Variants in CD109 observed in about 807,000 individuals in gnomAD.
CD109 encodes CD109 molecule, also known as CD109 antigen.
Under a neutral mutation model 165.8 loss-of-function variants are expected in CD109, and 149 were observed. The observed-to-expected ratio is 0.90, with a 90% CI of 0.79 to 1.03. The LOEUF (loss-of-function observed/expected upper bound fraction) is 1.03, where lower values mean the gene tolerates loss of function less well. Ranked by LOEUF, CD109 falls within the 50% of genes least tolerant of loss-of-function variation. The probability of loss-of-function intolerance (pLI) is 0.00; values close to 1 mark genes in which losing one functional copy is unlikely to be tolerated. For missense variants in CD109, 1,712 were observed against 1,677.8 expected (o/e 1.02, Z -0.36); for synonymous variants, 585 against 592.1 (o/e 0.99, Z 0.18).
chr6:73,681,444 C>T, the CD109 span, among the ~76,000 whole-genome samples: 1 of 151,532 alleles, frequency 6.6e-6, no homozygotes, highest in Admixed American at 6.6e-5. Flanking sequence ...TGTTTTCACG[C>T]TGCTGATAAA....
intron 2 of CD109, among the ~76,000 whole-genome samples, chr6:73,700,880 C>T (rs1771049524): frequency 7.4e-6 from 1 of 134,932 alleles, no homozygotes; most frequent in East Asian, 2.4e-4. Context: ...CGGCTCACTG[C>T]AACCTCTGCC....
chr6:73,745,759 C>T (rs147235257), intron 5 of CD109, among the ~76,000 whole-genome samples: 7,263 of 151,866 alleles, frequency 0.048, 597 homozygotes, highest in African/African-American at 0.17. Context: ...GACAGAGTCT[C>T]GCTGTGTCAC....
intron 5 of CD109, 35 bp downstream of exon 5, chr6:73,736,543 A>G: frequency 1.3e-6 from 2 of 1,591,012 alleles, no homozygotes; most frequent in South Asian, 1.1e-5. Flanking sequence ...GGGAATGTTA[A>G]AGTGATTTAA....
chr6:73,814,225 C>T (rs3005486), intron 29 of CD109, among the ~76,000 whole-genome samples: 110,007 of 152,006 alleles, frequency 0.72, 41,290 homozygotes, highest in East Asian at 0.96. Context: ...TAAAAGAAAA[C>T]ACAACCTTAC....
intron 2 of CD109, among the ~76,000 whole-genome samples, chr6:73,702,008 C>A (rs1771101175): frequency 6.6e-6 from 1 of 152,208 alleles, no homozygotes; most frequent in Non-Finnish European, 1.5e-5. Flanking sequence ...GCATGGGCGT[C>A]TCCAGGTGAG....
intron 13 of CD109, 47 bp downstream of exon 13, chr6:73,767,057 T>C: frequency 6.6e-7 from 1 of 1,516,732 alleles, no homozygotes; most frequent in Non-Finnish European, 9.1e-7. Context: ...TAGAATCATC[T>C]TTTTATTCAC....
At chr6:73,742,478 C>T (rs1377194685) in intron 5 of CD109, among the ~76,000 whole-genome samples, 1 of 152,194 alleles carries the variant, frequency 6.6e-6, no homozygotes, top group Non-Finnish European at 1.5e-5. Flanking sequence ...AAAAGAAAGG[C>T]TAATGTTGGT....
chr6:73,749,369 G>A (rs945382164), intron 5 of CD109, among the ~76,000 whole-genome samples: 2 of 152,154 alleles, frequency 1.3e-5, no homozygotes, highest in East Asian at 1.9e-4. Flanking sequence ...GATAGGGCTG[G>A]AGGGGACTGT....
At chr6:73,733,404 C>T (rs1163408683) in intron 4 of CD109, among the ~76,000 whole-genome samples, 1 of 152,208 alleles carries the variant, frequency 6.6e-6, no homozygotes, top group East Asian at 1.9e-4. Flanking sequence ...TTGGGGACTG[C>T]AGGCCATCTT....
chr6:73,704,591 T>A (rs1173973449), intron 2 of CD109, among the ~76,000 whole-genome samples: 1 of 152,198 alleles, frequency 6.6e-6, no homozygotes. Flanking sequence ...TGAAGGATTG[T>A]GGTGGAAATA....
At chr6:73,801,301 G>A (rs1775353192) in intron 23 of CD109, among the ~76,000 whole-genome samples, 1 of 152,240 alleles carries the variant, frequency 6.6e-6, no homozygotes, top group East Asian at 1.9e-4. Flanking sequence ...ATCTATGTCA[G>A]AGGGTCCTTG....
intron 2 of CD109, among the ~76,000 whole-genome samples, chr6:73,708,787 C>T (rs1455300521): frequency 2.0e-5 from 3 of 152,156 alleles, no homozygotes; most frequent in Non-Finnish European, 4.4e-5. Flanking sequence ...TTTGGCTGCA[C>T]AAATGTCTTC....
intron 19 of CD109, among the ~76,000 whole-genome samples, chr6:73,784,169 A>G (rs1450326248): frequency 6.6e-6 from 1 of 152,202 alleles, no homozygotes; most frequent in East Asian, 1.9e-4. Flanking sequence ...CCTCTTCAAG[A>G]ATGAACAGAA....
chr6:73,783,793 T>C lies in CD109; in HGVS notation c.2192T>C (p.Leu731Pro), dbSNP rs1774591279. Residue 731 changes from leucine to proline, a missense_variant, in exon 19 of 33, where the codon CTG (leucine) becomes CCG (proline). Transcript: ENST00000287097. ...VATGFVISED[L>P]GLGLTTTPVE... ...ACTGGTTTTGTGATCTCTGAGGACC[T>C]GGGTCTTGGACTAACAACTACTCCA... 9 of 1,610,258 alleles carry C rather than the reference T, an allele frequency of 5.6e-6. No individual in the cohort carries two copies. The East Asian group carries it at 2.0e-4, about 36-fold the overall frequency.
chr6:73,779,491 G>A (rs572370782), intron 15 of CD109, among the ~76,000 whole-genome samples: 8 of 151,792 alleles, frequency 5.3e-5, no homozygotes, highest in Non-Finnish European at 7.4e-5. Flanking sequence ...CTCATGATCC[G>A]CCCGCCTCGG....
chr6:73,743,360 G>A (rs746109920), intron 5 of CD109, among the ~76,000 whole-genome samples: 1 of 152,186 alleles, frequency 6.6e-6, no homozygotes, highest in Non-Finnish European at 1.5e-5. Flanking sequence ...GTTAAGGCTT[G>A]AAGTCACTCT....
At chr6:73,791,346 C>T (rs1363261317) in intron 22 of CD109, among the ~76,000 whole-genome samples, 1 of 150,906 alleles carries the variant, frequency 6.6e-6, no homozygotes, top group Non-Finnish European at 1.5e-5. Flanking sequence ...TACAGGCATG[C>T]ACCACTGTGC....
chr6:73,729,620 C>A (rs1488245671), intron 3 of CD109, among the ~76,000 whole-genome samples: 1 of 151,906 alleles, frequency 6.6e-6, no homozygotes, highest in African/African-American at 2.4e-5. Flanking sequence ...TCAAGCGATT[C>A]TCCTGCCTCA....
At position 73,723,254 on chromosome 6, in the gene CD109, C is replaced by T; in HGVS notation, c.251C>T (p.Ser84Phe). Residue 84 changes from serine (S) to phenylalanine (F), a missense_variant, in exon 3 of 33, where the codon TCT becomes TTT. By Grantham distance (155) the Ser-to-Phe change is radical (BLOSUM62 -2). Coordinates refer to ENST00000287097, the MANE Select transcript of CD109 (RefSeq NM_133493.5). ...LEAEGVFEKG[S>F]FKTLTLPSLP... ...TTCTTTCCTGTTTTCCTTGTAGGCT[C>T]TTTTAAGACACTTACTCTTCCATCA... 2.5e-6 allele frequency: 4 copies of T among 1,612,798 alleles called. No homozygotes were observed. The highest frequency in any genetic ancestry group is 3.4e-6 in the Non-Finnish European group (4 of 1,179,610).
Sources: gnomAD v4.1 joint callset for allele counts (sites outside exome capture counted in the v4.1 genomes callset) on GRCh38, gnomAD v4.1.1 for gene constraint, MANE v1.5 for transcripts, NCBI Gene and HGNC (gene_info 2026-07-23, HGNC 2026-07-21) for gene names.